CLYBL: variants seen among roughly 807,000 people sequenced by gnomAD.
The protein encoded by CLYBL is citramalyl-CoA lyase.
CLYBL carries 31 observed loss-of-function variants against 38.9 expected under a neutral mutation model. The ratio of observed to expected loss-of-function variants is 0.80; its 90% CI spans 0.60 to 1.08. The LOEUF (loss-of-function observed/expected upper bound fraction) is 1.08, where lower values mean the gene tolerates loss of function less well. Ranked by LOEUF, CLYBL falls within the 50% of genes least tolerant of loss-of-function variation. The probability of loss-of-function intolerance (pLI) is 0.00; values close to 1 mark genes in which losing one functional copy is unlikely to be tolerated. For synonymous variants in CLYBL, 171 were observed against 158.6 expected (o/e 1.08, Z -0.59); for missense variants, 434 against 411.6 (o/e 1.05, Z -0.47).
At chr13:99,610,438 C>T (rs1454309822) in intron 1 of CLYBL, among the ~76,000 whole-genome samples, 1 of 152,102 alleles carries the variant, frequency 6.6e-6, no homozygotes, top group Non-Finnish European at 1.5e-5. Context: ...TCCCTTTTGC[C>T]AGGGTTTATT....
intron 2 of CLYBL, among the ~76,000 whole-genome samples, chr13:99,792,506 C>T (rs559129668): frequency 4.6e-5 from 7 of 152,282 alleles, no homozygotes; most frequent in East Asian, 3.9e-4. Flanking sequence ...CTGCCTTCCT[C>T]GGTGAAACAC....
intron 1 of CLYBL, among the ~76,000 whole-genome samples, chr13:99,628,152 A>G (rs945097877): frequency 6.6e-6 from 1 of 152,230 alleles, no homozygotes; most frequent in Non-Finnish European, 1.5e-5. Context: ...CGTGTCTGGC[A>G]TATCTGATTG....
At chr13:99,683,294 C>T (rs2047765932) in intron 1 of CLYBL, among the ~76,000 whole-genome samples, 1 of 150,352 alleles carries the variant, frequency 6.7e-6, no homozygotes, top group South Asian at 2.3e-4. Flanking sequence ...TTTGGCCAGG[C>T]TGGTCTCGAA....
chr13:99,727,863 A>C (rs546206110), intron 1 of CLYBL, among the ~76,000 whole-genome samples: 1 of 152,250 alleles, frequency 6.6e-6, no homozygotes, highest in South Asian at 2.1e-4. Context: ...GGATCACTTG[A>C]GGCCAGGAGT....
intron 1 of CLYBL, among the ~76,000 whole-genome samples, chr13:99,705,205 C>T (rs184175410): frequency 2.0e-5 from 3 of 152,018 alleles, no homozygotes; most frequent in African/African-American, 4.8e-5. Flanking sequence ...AGGTGTCCAT[C>T]GACAGGTGAA....
intron 1 of CLYBL, among the ~76,000 whole-genome samples, chr13:99,685,853 T>C (rs964008576): frequency 6.6e-6 from 1 of 152,014 alleles, no homozygotes; most frequent in African/African-American, 2.4e-5. Context: ...TCTCAGCTAC[T>C]CGGGTGGCTG....
intron 1 of CLYBL, among the ~76,000 whole-genome samples, chr13:99,653,680 T>C (rs1594103146): frequency 3.3e-5 from 5 of 152,214 alleles, no homozygotes; most frequent in Admixed American, 1.3e-4. Context: ...TCTTTTTTTT[T>C]CATCCTGGCC....
At chr13:99,816,478 C>T (rs1594200386) in intron 2 of CLYBL, among the ~76,000 whole-genome samples, 1 of 152,346 alleles carries the variant, frequency 6.6e-6, no homozygotes, top group East Asian at 1.9e-4. Flanking sequence ...GCAGTAGCCT[C>T]GTAAAATGGG....
chr13:99,610,646 C>G (rs1389472689), intron 1 of CLYBL, among the ~76,000 whole-genome samples: 3 of 152,148 alleles, frequency 2.0e-5, no homozygotes, highest in African/African-American at 7.2e-5. Flanking sequence ...CTTCAACATT[C>G]AGCCACAGTT....
At chr13:99,622,035 C>T (rs2046805409) in intron 1 of CLYBL, among the ~76,000 whole-genome samples, 1 of 152,216 alleles carries the variant, frequency 6.6e-6, no homozygotes, top group Non-Finnish European at 1.5e-5. Flanking sequence ...AGGCTGCCCA[C>T]ATTCTTTGGC....
At chr13:99,665,040 T>C (rs1287889454) in intron 1 of CLYBL, among the ~76,000 whole-genome samples, 2 of 151,792 alleles carry the variant, frequency 1.3e-5, no homozygotes, top group Admixed American at 6.6e-5. Context: ...GGTTAAAATA[T>C]GATTTTTTTT....
chr13:99,894,938 C>T (rs1177949990), downstream of CLYBL: 2 of 152,162 alleles, frequency 1.3e-5, no homozygotes, highest in Non-Finnish European at 2.9e-5. Context: ...GGAGCGTTCC[C>T]GTCTGATGTC....
intron 8 of CLYBL, among the ~76,000 whole-genome samples, chr13:99,902,375 A>G (rs1337791643): frequency 6.6e-6 from 1 of 152,226 alleles, no homozygotes; most frequent in East Asian, 1.9e-4. Context: ...GGAATTTTAA[A>G]TTGTCAAATA....
At chr13:99,748,429 GTT>G (rs1165919560) in intron 1 of CLYBL, among the ~76,000 whole-genome samples, 32,547 of 87,538 alleles carry the variant, frequency 0.37, 4,670 homozygotes, top group South Asian at 0.44. Context: ...CTAGTTTTGT[GTT>G]TTTTTTTTTT....
chr13:99,791,386 G>T (rs1356425950), intron 2 of CLYBL, among the ~76,000 whole-genome samples: 1 of 151,966 alleles, frequency 6.6e-6, no homozygotes, highest in Non-Finnish European at 1.5e-5. Flanking sequence ...AAAAAACAGC[G>T]GTGTCATTTT....
rs909037089 is a variant in CLYBL, at chr13:99,684,315, G to A, written c.62+77558G>A. Among the ~76,000 whole-genome samples the A allele has an allele frequency of 2.0e-5, 3 of 151,596 alleles. No homozygotes were observed. In the South Asian group the frequency reaches 6.3e-4, roughly 32 times the overall value. On this transcript the variant is annotated intron_variant, in intron 1 of 8. Coordinates refer to ENST00000339105, the MANE Select transcript of CLYBL (RefSeq NM_206808.5). ...GTGCCTCAGCCTCCCAAATAGCTGG[G>A]ATTACAGGTGCGTGCCACCACACCC...
At chr13:99,705,725 C>A (rs2806284) in intron 1 of CLYBL, among the ~76,000 whole-genome samples, 38,502 of 151,548 alleles carry the variant, frequency 0.25, 6,789 homozygotes, top group African/African-American at 0.5. Flanking sequence ...CACAGAAATG[C>A]GAATGGTGGT....
chr13:99,890,203 C>T lies in CLYBL; in HGVS notation c.928-1115C>T, dbSNP rs183249153. Among the ~76,000 whole-genome samples the T allele has an allele frequency of 3.2e-4, 48 of 152,250 alleles. No individual in the cohort carries two copies. The East Asian group carries it at 8.9e-3, about 28-fold the overall frequency. On this transcript the variant is annotated intron_variant, in intron 7 of 8. Transcript: ENST00000339105. ...GATGAAGGCTTGAAGCTCTGAGACC[C>T]AAGCATCAGCCCCAGCTCTGGCTTT...
chr13:99,749,997 T>C (rs773991822), intron 1 of CLYBL, among the ~76,000 whole-genome samples: 6 of 152,156 alleles, frequency 3.9e-5, no homozygotes, highest in Non-Finnish European at 7.3e-5. Context: ...AATTGGTAGG[T>C]GAATTTTGCT....
Sources: allele counts gnomAD v4.1 joint callset (sites outside exome capture counted in the v4.1 genomes callset), GRCh38; gene constraint gnomAD v4.1.1; transcripts MANE v1.5; gene names NCBI Gene and HGNC (gene_info 2026-07-23, HGNC 2026-07-21).